Variants in ZNF214 observed in about 807,000 individuals in gnomAD.
ZNF214 encodes the protein BWSCR2-associated zinc finger protein 1.
Under a neutral mutation model 53.9 loss-of-function variants are expected in ZNF214, and 43 were observed. The ratio of observed to expected loss-of-function variants is 0.80; its 90% CI spans 0.63 to 1.03. ZNF214 has a LOEUF of 1.03. Ranked by LOEUF, ZNF214 falls within the 50% of genes least tolerant of loss-of-function variation. ZNF214 has a pLI of 0.00. For synonymous variants in ZNF214, 217 were observed against 229.5 expected (o/e 0.95, Z 0.49); for missense variants, 724 against 719.1 (o/e 1.01, Z -0.08).
intron 1 of ZNF214, among the ~76,000 whole-genome samples, chr11:7,008,582 G>C (rs566619974): frequency 7.2e-5 from 11 of 152,174 alleles, no homozygotes; most frequent in African/African-American, 2.6e-4. Context: ...GGAAGTCCTA[G>C]CCAGAGCAAT....
At chr11:7,010,626 C>A (rs1589841984) in intron 1 of ZNF214, among the ~76,000 whole-genome samples, 4 of 104,182 alleles carry the variant, frequency 3.8e-5, no homozygotes, top group African/African-American at 6.9e-5. Context: ...AAAAGAGAAA[C>A]CATCCCCCAT....
At chr11:7,012,754 T>C (rs1051569000) in intron 1 of ZNF214, among the ~76,000 whole-genome samples, 2 of 152,220 alleles carry the variant, frequency 1.3e-5, no homozygotes, top group African/African-American at 4.8e-5. Context: ...CGAAAAACTC[T>C]TCAAGACGTC....
intron 1 of ZNF214, among the ~76,000 whole-genome samples, chr11:7,011,783 AAG>A (rs1300609462): frequency 2.0e-5 from 3 of 152,102 alleles, no homozygotes; most frequent in African/African-American, 7.2e-5. Flanking sequence ...ACTATAAATT[AAG>A]AGAGTTCAGC....
intron 1 of ZNF214, among the ~76,000 whole-genome samples, chr11:7,005,229 C>G (rs983308603): frequency 1.3e-5 from 2 of 151,690 alleles, no homozygotes; most frequent in Middle Eastern, 3.2e-3. Context: ...TTTCAGTTTA[C>G]TAAAAAATAC....
At chr11:7,002,457 A>T (rs7932579) in intron 2 of ZNF214, among the ~76,000 whole-genome samples, 1 of 151,772 alleles carries the variant, frequency 6.6e-6, no homozygotes, top group African/African-American at 2.4e-5. Flanking sequence ...AATTGACTAC[A>T]TATGGAGATA....
intron 1 of ZNF214, among the ~76,000 whole-genome samples, chr11:7,017,212 A>T (rs925188225): frequency 2.0e-5 from 3 of 152,198 alleles, no homozygotes. Flanking sequence ...TTTAAAACTT[A>T]ATACTCAGTG....
At chr11:7,009,875 A>T (rs754488161) in intron 1 of ZNF214, among the ~76,000 whole-genome samples, 4 of 152,092 alleles carry the variant, frequency 2.6e-5, no homozygotes, top group Admixed American at 6.6e-5. Flanking sequence ...GAGATACCAT[A>T]TCATACCAGT....
chr11:7,008,134 C>T (rs1037593784), intron 1 of ZNF214, among the ~76,000 whole-genome samples: 2 of 151,926 alleles, frequency 1.3e-5, no homozygotes, highest in South Asian at 4.2e-4. Flanking sequence ...TTGAAGGAAA[C>T]AAAAATGGCT....
In ZNF214 at chr11:7,001,101, C is replaced by G. The variant is rs1851333651; in HGVS notation, c.582G>C (p.Glu194Asp). The G allele has an allele frequency of 6.2e-7, 1 of 1,613,322 alleles. No individual in the cohort carries two copies. Among genetic ancestry groups the G allele is most frequent in the Non-Finnish European group, 8.5e-7 (1 of 1,179,576 alleles). Residue 194 changes from glutamate (E) to aspartate (D), a missense_variant, in exon 3 of 3, where the codon GAG becomes GAC. Physicochemically the swap from Glu to Asp is conservative, Grantham distance 45. Transcript: ENST00000278314. ...CCCCAACATACTGTGGAAGGGCTTC[C>G]TCCACTGGGATATAAGAATGCTGAA... is the stretch of plus-strand genomic sequence containing the variant. ...LIVQHSYIPV[E>D]EALPQYVGVI...
chr11:7,001,103 C>T lies in ZNF214; in HGVS notation c.580G>A (p.Glu194Lys), dbSNP rs1851333742. ...CCAACATACTGTGGAAGGGCTTCCT[C>T]CACTGGGATATAAGAATGCTGAACT... ...LIVQHSYIPV[E>K]EALPQYVGVI... is the part of the protein sequence containing the mutation. Residue 194 changes from glutamate (E) to lysine (K), a missense_variant, in exon 3 of 3, where the codon GAG becomes AAG. Glu to Lys is a moderately conservative substitution (Grantham distance 56, BLOSUM62 1). Coordinates refer to ENST00000278314, the MANE Select transcript of ZNF214 (RefSeq NM_013249.4). 6.2e-7 allele frequency: 1 copy of T among 1,613,312 alleles called. No individual in the cohort carries two copies. The highest frequency in any genetic ancestry group is 8.5e-7 in the Non-Finnish European group (1 of 1,179,558).
At chr11:7,012,401 A>T (rs1851626596) in intron 1 of ZNF214, among the ~76,000 whole-genome samples, 1 of 152,214 alleles carries the variant, frequency 6.6e-6, no homozygotes, top group Admixed American at 6.5e-5. Context: ...TAAGTACTTA[A>T]ATGTTAAGGG....
intron 2 of ZNF214, among the ~76,000 whole-genome samples, chr11:7,001,994 A>G (rs1011202133): frequency 6.6e-5 from 10 of 152,036 alleles, no homozygotes; most frequent in Admixed American, 6.6e-4. Flanking sequence ...ACATTAACTC[A>G]CTACTTTACC....
intron 1 of ZNF214, among the ~76,000 whole-genome samples, chr11:7,014,820 C>A (rs7126819): frequency 0.44 from 39,745 of 89,632 alleles, 7,068 homozygotes; most frequent in East Asian, 0.57. Flanking sequence ...AAAAAAAAAA[C>A]AAAAAAAAAA....
In ZNF214 at chr11:7,000,936, G is replaced by C. The variant is rs778949604; in HGVS notation, c.747C>G (p.Cys249Trp). The change falls in exon 3 of 3, where the codon TGC (cysteine) becomes TGG (tryptophan). Residue 249 changes from cysteine (C) to tryptophan (W), a missense_variant. Transcript: ENST00000278314. ...GAGAGAAGCATGCTTTACAGATGGA[G>C]CATTGACAGAGGTTTTCTCCAGGTT... ...RNQPGENLCQ[C>W]SICKACFSQR... The C allele has an allele frequency of 1.2e-6, 2 of 1,613,014 alleles. No homozygotes were observed. Among genetic ancestry groups the C allele is most frequent in the South Asian group, 2.2e-5 (2 of 91,052 alleles).
At chr11:7,015,476 C>T (rs1474080708) in intron 1 of ZNF214, among the ~76,000 whole-genome samples, 1 of 151,906 alleles carries the variant, frequency 6.6e-6, no homozygotes, top group African/African-American at 2.4e-5. Flanking sequence ...ACTTGGGAGG[C>T]TGAGGCATGA....
chr11:7,001,088 G>A lies in ZNF214; in HGVS notation c.595C>T (p.Gln199Ter), dbSNP rs1476601985. Reference sequence around the variant, plus strand: ...TCTTGACATATCACCCCAACATACTGTGGAAGGGCTTCCTCCACTGGGATA... The same window carrying A: ...TCTTGACATATCACCCCAACATACTATGGAAGGGCTTCCTCCACTGGGATA... Reference protein sequence around the residue: ...SYIPVEEALPQYVGVICQEDL... With the variant: ...SYIPVEEALP The change falls in exon 3 of 3, where the codon CAG (glutamine) becomes TAG (stop). Residue 199 changes from glutamine (Q) to a stop codon, truncating the protein, a stop_gained. Coordinates refer to ENST00000278314, the MANE Select transcript of ZNF214 (RefSeq NM_013249.4). LOFTEE classifies it high-confidence loss of function. 3.1e-6 allele frequency: 5 copies of A among 1,613,134 alleles called. No homozygotes were observed. The African/African-American group carries it at 4.0e-5, about 13-fold the overall frequency.
chr11:7,019,943 C>T (rs1181163260), intron 1 of ZNF214, 130 bp downstream of exon 1: 1 of 152,204 alleles, frequency 6.6e-6, no homozygotes, highest in Non-Finnish European at 1.5e-5. Flanking sequence ...CGGGGGTCCC[C>T]TGCTCCTGCA....
chr11:7,013,484 T>G (rs975381603), intron 1 of ZNF214, among the ~76,000 whole-genome samples: 5 of 152,236 alleles, frequency 3.3e-5, no homozygotes, highest in African/African-American at 1.2e-4. Flanking sequence ...ATGTTCCATA[T>G]AAATGCTAAA....
Position 7,000,547 on chromosome 11 carries a change from ACT to A in ZNF214, c.1134_1135del (p.Arg378SerfsTer9), listed in dbSNP as rs1455936765. The stretch of plus-strand genomic sequence containing the variant: ...CTTATATGGTTTTTCTCCTGTGTGG[ACT>A]CTCTGATGAACATGAAGTACTGAAC... On this transcript the variant is annotated frameshift_variant, in exon 3 of 3. Transcript: ENST00000278314. LOFTEE classifies it high-confidence loss of function. The A allele has an allele frequency of 6.2e-6, 10 of 1,611,866 alleles. No homozygotes were observed. The highest frequency in any genetic ancestry group is 2.7e-5 in the African/African-American group (2 of 74,764).
Sources: gnomAD v4.1 joint callset for allele counts (sites outside exome capture counted in the v4.1 genomes callset) on GRCh38, gnomAD v4.1.1 for gene constraint, MANE v1.5 for transcripts, NCBI Gene and HGNC (gene_info 2026-07-23, HGNC 2026-07-21) for gene names.